TUSC3: variants seen among roughly 807,000 people sequenced by gnomAD.
TUSC3 encodes the protein dolichyl-diphosphooligosaccharide--protein glycosyltransferase subunit TUSC3.
A neutral mutation model predicts 44.8 loss-of-function variants in TUSC3; 45 were observed. That is an observed-to-expected ratio of 1.00 (90% CI 0.79 to 1.29). The LOEUF is 1.29. TUSC3 is among the 50% of genes most tolerant of loss of function. The pLI is 0.00. For synonymous variants in TUSC3, 212 were observed against 152.9 expected (o/e 1.39, Z -2.85); for missense variants, 519 against 437.9 (o/e 1.19, Z -1.65).
chr8:15,427,414 G>A (rs573439113), intron 1 of TUSC3, among the ~76,000 whole-genome samples: 1 of 152,080 alleles, frequency 6.6e-6, no homozygotes, highest in Admixed American at 6.6e-5. Context: ...TGGCACCAGG[G>A]AAAGGCAGTC....
At chr8:15,469,946 T>C (rs1448634809) in intron 1 of TUSC3, among the ~76,000 whole-genome samples, 4 of 151,894 alleles carry the variant, frequency 2.6e-5, no homozygotes, top group Admixed American at 6.6e-5. Context: ...AAAGGAAAAA[T>C]TATGAAGACA....
intron 1 of TUSC3, among the ~76,000 whole-genome samples, chr8:15,480,103 G>T (rs1800637956): frequency 6.6e-6 from 1 of 152,026 alleles, no homozygotes; most frequent in Non-Finnish European, 1.5e-5. Flanking sequence ...GGAAAGTGAA[G>T]GACCTCTTCA....
intron 8 of TUSC3, among the ~76,000 whole-genome samples, chr8:15,745,363 A>G (rs1048098435): frequency 2.6e-5 from 4 of 152,128 alleles, no homozygotes; most frequent in Admixed American, 2.6e-4. Flanking sequence ...CACTGTGTTA[A>G]GTTTTTTGAG....
intron 9 of TUSC3, 102 bp downstream of exon 9, chr8:15,748,567 G>GT (rs368882548): frequency 6.5e-5 from 76 of 1,170,638 alleles, no homozygotes; most frequent in African/African-American, 5.4e-4. Flanking sequence ...TTGCTGTGTG[G>GT]TTTTTTTAAA....
intron 1 of TUSC3, among the ~76,000 whole-genome samples, chr8:15,459,523 G>C (rs1800311024): frequency 1.3e-5 from 2 of 152,008 alleles, no homozygotes; most frequent in South Asian, 4.1e-4. Context: ...GGTTATGTGA[G>C]TACATTCTTT....
chr8:15,721,671 T>C (rs891010459), intron 6 of TUSC3, among the ~76,000 whole-genome samples: 51 of 152,278 alleles, frequency 3.3e-4, no homozygotes, highest in African/African-American at 1.0e-3. Context: ...AAAGTAATTA[T>C]ACATTTCAGT....
chr8:15,654,532 A>C (rs11990811), intron 3 of TUSC3, among the ~76,000 whole-genome samples: 75,285 of 152,008 alleles, frequency 0.5, 19,565 homozygotes, highest in East Asian at 0.71. Context: ...GCATTGCAGG[A>C]GCTTGTGTTT....
At chr8:15,708,555 A>G (rs1809712680) in intron 6 of TUSC3, among the ~76,000 whole-genome samples, 1 of 151,974 alleles carries the variant, frequency 6.6e-6, no homozygotes, top group African/African-American at 2.4e-5. Flanking sequence ...TGAGCAGTGT[A>G]TAGAGAGGGT....
intron 1 of TUSC3, among the ~76,000 whole-genome samples, chr8:15,441,945 C>A (rs776608349): frequency 1.3e-5 from 2 of 152,150 alleles, no homozygotes; most frequent in African/African-American, 2.4e-5. Flanking sequence ...AGGAGAAACT[C>A]CTATCCGGTC....
At chr8:15,833,085 G>A in the TUSC3 span, among the ~76,000 whole-genome samples, 1 of 152,098 alleles carries the variant, frequency 6.6e-6, no homozygotes, top group Non-Finnish European at 1.5e-5. Flanking sequence ...AGATATACAT[G>A]TGACCAACAA....
chr8:15,701,442 A>G (rs1259542254), intron 6 of TUSC3, among the ~76,000 whole-genome samples: 1 of 152,220 alleles, frequency 6.6e-6, no homozygotes, highest in Non-Finnish European at 1.5e-5. Context: ...TACTTTAAAC[A>G]TTTTTAAGCC....
chr8:15,727,117 A>G (rs1443192409), intron 6 of TUSC3, among the ~76,000 whole-genome samples: 2 of 152,204 alleles, frequency 1.3e-5, no homozygotes, highest in East Asian at 1.9e-4. Context: ...ATTAGTCAAT[A>G]TTCCCTCTTT....
At chr8:15,624,591 G>T (rs79114134) in intron 2 of TUSC3, among the ~76,000 whole-genome samples, 4 of 151,990 alleles carry the variant, frequency 2.6e-5, no homozygotes, top group African/African-American at 9.7e-5. Flanking sequence ...GTGCTTATTC[G>T]TCATCTATGT....
chr8:15,467,369 A>G (rs943901022), intron 1 of TUSC3, among the ~76,000 whole-genome samples: 10 of 152,104 alleles, frequency 6.6e-5, no homozygotes, highest in African/African-American at 1.4e-4. Context: ...GTCAAAAACT[A>G]TATCTGAAAC....
chr8:15,497,198 G>C (rs1563266412), intron 2 of TUSC3, among the ~76,000 whole-genome samples: 1 of 152,166 alleles, frequency 6.6e-6, no homozygotes, highest in African/African-American at 2.4e-5. Context: ...TTAAGTTTGA[G>C]CAGGGACTTG....
At chr8:15,704,255 G>GTT (rs373598712) in intron 6 of TUSC3, among the ~76,000 whole-genome samples, 9,304 of 137,024 alleles carry the variant, frequency 0.068, 424 homozygotes, top group East Asian at 0.13. Flanking sequence ...ATTCTTAATG[G>GTT]TTTTTTTTTT....
intron 7 of TUSC3, among the ~76,000 whole-genome samples, chr8:15,739,522 C>T (rs571308186): frequency 6.6e-6 from 1 of 152,160 alleles, no homozygotes; most frequent in Non-Finnish European, 1.5e-5. Flanking sequence ...TATATTGTTA[C>T]TGCATTTGCT....
intron 1 of TUSC3, among the ~76,000 whole-genome samples, chr8:15,590,380 C>G (rs1466181698): frequency 1.3e-5 from 2 of 152,100 alleles, no homozygotes; most frequent in African/African-American, 4.8e-5. Flanking sequence ...AGCTTTAGGC[C>G]ATCATGCCTA....
chr8:15,718,164 G>A (rs1330430441), intron 6 of TUSC3, among the ~76,000 whole-genome samples: 1 of 152,078 alleles, frequency 6.6e-6, no homozygotes, highest in African/African-American at 2.4e-5. Context: ...GATTTTGGAA[G>A]ATTTAACTAG....
Sources: gnomAD v4.1 joint callset for allele counts (sites outside exome capture counted in the v4.1 genomes callset) on GRCh38, gnomAD v4.1.1 for gene constraint, MANE v1.5 for transcripts, NCBI Gene and HGNC (gene_info 2026-07-23, HGNC 2026-07-21) for gene names.